The following LY86 variants were observed in gnomAD, a reference collection of about 807,000 sequenced individuals.
LY86 encodes MD-1, RP105-associated.
Under a neutral mutation model 17.3 loss-of-function variants are expected in LY86, and 20 were observed. The ratio of observed to expected loss-of-function variants is 1.15; its 90% confidence interval spans 0.81 to 1.68. The LOEUF (loss-of-function observed/expected upper bound fraction) is 1.68, where lower values mean the gene tolerates loss of function less well. LY86 is among the 40% of genes most tolerant of loss of function. LY86 has a pLI of 0.00. For synonymous variants in LY86, 74 were observed against 70.6 expected (o/e 1.05, Z -0.24); for missense variants, 200 against 191.9 (o/e 1.04, Z -0.25).
chr6:6,623,835 A>C (rs1761729837), intron 1 of LY86, among the ~76,000 whole-genome samples: 1 of 152,226 alleles, frequency 6.6e-6, no homozygotes, highest in Admixed American at 6.5e-5. Flanking sequence ...TGGAAAGCAA[A>C]ACAAACAAAA....
chr6:6,631,103 G>A (rs184379537), intron 3 of LY86, among the ~76,000 whole-genome samples: 67 of 151,886 alleles, frequency 4.4e-4, no homozygotes, highest in East Asian at 1.4e-3. Flanking sequence ...TACTGGCAGC[G>A]CTGCATTATT....
chr6:6,625,436 C>T (rs1472080921), intron 2 of LY86, among the ~76,000 whole-genome samples: 1 of 152,192 alleles, frequency 6.6e-6, no homozygotes, highest in Non-Finnish European at 1.5e-5. Flanking sequence ...AATACAAATT[C>T]TTAAACTTTG....
At chr6:6,606,570 G>T (rs564635660) in intron 1 of LY86, among the ~76,000 whole-genome samples, 1 of 152,140 alleles carries the variant, frequency 6.6e-6, no homozygotes, top group Non-Finnish European at 1.5e-5. Context: ...CCCACGGAGC[G>T]GGGGGAGGCT....
At chr6:6,603,106 A>G (rs1435603341) in intron 1 of LY86, among the ~76,000 whole-genome samples, 1 of 152,146 alleles carries the variant, frequency 6.6e-6, no homozygotes, top group Non-Finnish European at 1.5e-5. Flanking sequence ...TATGGCAGAA[A>G]GGGCAAACAA....
chr6:6,604,640 G>A (rs1020780712), intron 1 of LY86, among the ~76,000 whole-genome samples: 2 of 152,112 alleles, frequency 1.3e-5, no homozygotes, highest in Non-Finnish European at 2.9e-5. Flanking sequence ...TTCCAGAACT[G>A]CAAAAGACAT....
chr6:6,649,734 A>G, intron 4 of LY86, 57 bp downstream of exon 4: 1 of 998,486 alleles, frequency 1.0e-6, no homozygotes, highest in Non-Finnish European at 1.5e-6. Context: ...AAGAAGAAGA[A>G]GGCTAGAAGG....
intron 1 of LY86, among the ~76,000 whole-genome samples, chr6:6,603,629 CAA>C (rs1280116691): frequency 6.3e-5 from 4 of 63,112 alleles, no homozygotes; most frequent in Admixed American, 1.5e-4. Flanking sequence ...CAAAAAAAAA[CAA>C]AACACACACA....
chr6:6,626,004 A>T (rs1761779376), intron 2 of LY86, among the ~76,000 whole-genome samples: 2 of 152,206 alleles, frequency 1.3e-5, no homozygotes, highest in South Asian at 2.1e-4. Flanking sequence ...ACCTGCAGAC[A>T]TCACATTAAA....
chr6:6,609,571 C>G lies in LY86; in HGVS notation c.137-15355C>G, dbSNP rs138460467. ...CACCTTAAATCCAGGTGGCCACATT[C>G]AGAAGCACTGTCACGCTGGCCTCTC... On this transcript the variant is annotated intron_variant, in intron 1 of 4. Transcript: ENST00000230568. 4.2e-3 allele frequency among the ~76,000 whole-genome samples: 636 copies of G among 152,334 alleles called. 3 individuals are homozygous for G. Among genetic ancestry groups the G allele is most frequent in the Non-Finnish European group, 6.2e-3 (420 of 68,038 alleles).
chr6:6,642,927 C>T (rs569707970), intron 3 of LY86, among the ~76,000 whole-genome samples: 4 of 152,316 alleles, frequency 2.6e-5, no homozygotes, highest in African/African-American at 9.6e-5. Context: ...CCTTCCTCTT[C>T]GTCCTCTGGC....
chr6:6,627,567 T>C (rs761404002), intron 3 of LY86, among the ~76,000 whole-genome samples: 2 of 152,190 alleles, frequency 1.3e-5, no homozygotes, highest in African/African-American at 4.8e-5. Flanking sequence ...ATCTTCCACA[T>C]TGGACCACGA....
chr6:6,588,959 G>GGAGAGGGGA (rs112924538), intron 1 of LY86, 89 bp downstream of exon 1: 52 of 1,484,212 alleles, frequency 3.5e-5, no homozygotes, highest in East Asian at 7.1e-5. Context: ...AGTTGGGGTG[G>GGAGAGGGGA]GAGGGGAGAG....
intron 4 of LY86, 145 bp downstream of exon 4, chr6:6,649,822 C>A (rs1581254043): frequency 3.2e-6 from 2 of 628,168 alleles, no homozygotes; most frequent in Middle Eastern, 4.1e-4. Flanking sequence ...GCCATCCCTG[C>A]AAAAACCCTT....
chr6:6,615,596 C>G lies in LY86; in HGVS notation c.137-9330C>G, dbSNP rs147462252. ...AATTAGCCCATGGTGGTGGCACACA[C>G]CTGTAATGCCAGCTACTGGAGAGGC... On this transcript the variant is annotated intron_variant, in intron 1 of 4. Transcript: ENST00000230568. 3.6e-4 allele frequency among the ~76,000 whole-genome samples: 55 copies of G among 152,144 alleles called. 1 individual carries two copies. In the East Asian group the frequency reaches 0.01, roughly 29 times the overall value.
At chr6:6,613,261 C>G (rs1231935819) in intron 1 of LY86, among the ~76,000 whole-genome samples, 1 of 152,214 alleles carries the variant, frequency 6.6e-6, no homozygotes, top group Non-Finnish European at 1.5e-5. Flanking sequence ...CCTGCCAATC[C>G]CGCGCCGTGC....
intron 3 of LY86, among the ~76,000 whole-genome samples, chr6:6,648,844 G>A (rs1322669764): frequency 6.6e-6 from 1 of 151,516 alleles, no homozygotes; most frequent in East Asian, 1.9e-4. Flanking sequence ...ACTTAACCCT[G>A]AGTAACCTGG....
intron 3 of LY86, among the ~76,000 whole-genome samples, chr6:6,637,723 G>A (rs776429224): frequency 6.6e-6 from 1 of 152,100 alleles, no homozygotes; most frequent in East Asian, 1.9e-4. Flanking sequence ...TGTGAGAAAC[G>A]CAGCCCTCTG....
intron 1 of LY86, among the ~76,000 whole-genome samples, chr6:6,613,242 G>C (rs112423111): frequency 6.6e-6 from 1 of 152,266 alleles, no homozygotes; most frequent in Admixed American, 6.5e-5. Context: ...AGGGCCGCAG[G>C]TGGAGCTGCC....
intron 1 of LY86, among the ~76,000 whole-genome samples, chr6:6,592,940 G>A (rs555724178): frequency 1.3e-5 from 2 of 152,244 alleles, no homozygotes; most frequent in Non-Finnish European, 2.9e-5. Flanking sequence ...AACAGATAGA[G>A]CAGCATGAGA....
Sources: gnomAD v4.1 joint callset for allele counts (sites outside exome capture counted in the v4.1 genomes callset) on GRCh38, gnomAD v4.1.1 for gene constraint, MANE v1.5 for transcripts, NCBI Gene and HGNC (gene_info 2026-07-23, HGNC 2026-07-21) for gene names.